Variants in PTPRM observed in about 807,000 individuals in gnomAD.
PTPRM encodes the protein protein tyrosine phosphatase receptor type M.
A neutral mutation model predicts 186.7 loss-of-function variants in PTPRM; 47 were observed. That is an observed-to-expected ratio of 0.25 (90% CI 0.20 to 0.32). PTPRM has a LOEUF of 0.32. PTPRM is among the 10% of genes least tolerant of loss of function. The pLI is 1.00. For synonymous variants in PTPRM, 668 were observed against 674.9 expected (o/e 0.99, Z 0.16); for missense variants, 1,494 against 1,865.0 (o/e 0.80, Z 3.66).
At chr18:7,851,653 A>ATC (rs1268026438) in intron 2 of PTPRM, among the ~76,000 whole-genome samples, 1 of 150,208 alleles carries the variant, frequency 6.7e-6, no homozygotes, top group South Asian at 2.1e-4. Flanking sequence ...AAAAAAAAAA[A>ATC]CTGAGGCAAT....
chr18:7,940,427 T>C (rs930770772), intron 5 of PTPRM, among the ~76,000 whole-genome samples: 1 of 152,160 alleles, frequency 6.6e-6, no homozygotes, highest in Non-Finnish European at 1.5e-5. Context: ...TAGGAGCATG[T>C]TTCAGTTTGG....
Position 8,009,681 on chromosome 18 carries a change from C to A in PTPRM, c.1132+54267C>A, listed in dbSNP as rs112718514. Among the ~76,000 whole-genome samples the A allele has an allele frequency of 9.0e-3, 1,363 of 152,124 alleles. 19 individuals are homozygous for A. The highest frequency in any genetic ancestry group is 0.031 in the African/African-American group (1,304 of 41,484). On this transcript the variant is annotated intron_variant, in intron 7 of 32. Transcript: ENST00000580170. ...CAAGATCGCACCACTGCACTCCAGC[C>A]TGGGGGACAGAGCAAGACTCTATCT...
At chr18:8,239,675 G>C (rs926635915) in intron 14 of PTPRM, among the ~76,000 whole-genome samples, 2 of 152,118 alleles carry the variant, frequency 1.3e-5, no homozygotes, top group African/African-American at 4.8e-5. Flanking sequence ...CTCCAATTTG[G>C]GGGGCAGTGG....
intron 1 of PTPRM, among the ~76,000 whole-genome samples, chr18:7,635,107 AAAAG>A (rs1257973050): frequency 1.3e-5 from 2 of 152,294 alleles, no homozygotes; most frequent in East Asian, 3.9e-4. Flanking sequence ...CTAAATATAA[AAAAG>A]AACTTAAAAT....
Position 8,069,845 on chromosome 18 carries a change from A to G in PTPRM, c.1292A>G (p.Glu431Gly). Reference sequence around the variant, plus strand: ...GTTGGAGGACAAGAACAAGTGCGAGAAGAAGTAAGCTGGGATACAGAAAAC... The same window carrying G: ...GTTGGAGGACAAGAACAAGTGCGAGGAGAAGTAAGCTGGGATACAGAAAAC... ...YQVGGQEQVR[E>G]EVSWDTENSH... Residue 431 changes from glutamate to glycine, a missense_variant, in exon 8 of 33, where the codon GAA becomes GGA. Physicochemically the swap from Glu to Gly is moderately conservative, Grantham distance 98 (BLOSUM62 -2). Coordinates refer to ENST00000580170, the MANE Select transcript of PTPRM (RefSeq NM_001105244.2). The G allele has an allele frequency of 6.2e-7, 1 of 1,614,066 alleles. No homozygotes were observed. The highest frequency in any genetic ancestry group is 8.5e-7 in the Non-Finnish European group (1 of 1,179,990).
intron 29 of PTPRM, among the ~76,000 whole-genome samples, chr18:8,382,031 A>G (rs1320854425): frequency 6.6e-6 from 1 of 152,176 alleles, no homozygotes; most frequent in African/African-American, 2.4e-5. Flanking sequence ...GAGAGACAAA[A>G]AGACTCCAGT....
At chr18:7,888,002 G>T in intron 2 of PTPRM, 104 bp from the exon 3 acceptor site, 5 of 1,333,480 alleles carry the variant, frequency 3.7e-6, no homozygotes, top group Non-Finnish European at 5.4e-6. Context: ...GCCTAAGTAA[G>T]ACATGGAATT....
At chr18:7,604,925 T>C (rs2037493716) in intron 1 of PTPRM, among the ~76,000 whole-genome samples, 1 of 152,208 alleles carries the variant, frequency 6.6e-6, no homozygotes, top group Non-Finnish European at 1.5e-5. Flanking sequence ...TAATTTTCAG[T>C]TTATTTGATA....
chr18:7,863,402 A>G (rs1404291111), intron 2 of PTPRM, among the ~76,000 whole-genome samples: 1 of 151,000 alleles, frequency 6.6e-6, no homozygotes, highest in Non-Finnish European at 1.5e-5. Flanking sequence ...CCCTGTGTCC[A>G]TGTGTTCTCA....
intron 1 of PTPRM, among the ~76,000 whole-genome samples, chr18:7,710,381 A>G (rs1175482982): frequency 1.3e-5 from 2 of 152,210 alleles, no homozygotes; most frequent in Non-Finnish European, 2.9e-5. Context: ...AAACTGGTAT[A>G]GAAGGGATGT....
intron 1 of PTPRM, among the ~76,000 whole-genome samples, chr18:7,675,837 C>A (rs112132144): frequency 0.021 from 3,149 of 151,826 alleles, 57 homozygotes; most frequent in Non-Finnish European, 0.029. Flanking sequence ...CGGGTTCAAG[C>A]AGTCCTCCTG....
intron 1 of PTPRM, among the ~76,000 whole-genome samples, chr18:7,619,588 G>A (rs987167686): frequency 6.6e-6 from 1 of 152,180 alleles, no homozygotes; most frequent in Non-Finnish European, 1.5e-5. Context: ...GAAATCACTT[G>A]TTGAAGACAC....
intron 1 of PTPRM, among the ~76,000 whole-genome samples, chr18:7,570,040 A>G (rs1318802596): frequency 3.3e-5 from 5 of 152,106 alleles, no homozygotes; most frequent in Middle Eastern, 3.2e-3. Context: ...GCAGGAGGAT[A>G]GCTTGAGCCC....
intron 3 of PTPRM, among the ~76,000 whole-genome samples, chr18:7,904,110 T>G (rs1235872882): frequency 1.3e-5 from 2 of 152,248 alleles, no homozygotes; most frequent in Non-Finnish European, 2.9e-5. Context: ...ATCTGCTTAC[T>G]AAATGTTAAC....
intron 14 of PTPRM, among the ~76,000 whole-genome samples, chr18:8,196,250 AAGCCTGCCTT>A (rs2093776587): frequency 1.3e-5 from 2 of 152,196 alleles, no homozygotes; most frequent in African/African-American, 4.8e-5. Context: ...GTTCCAAGGT[AAGCCTGCCTT>A]AGGCTGCCTT....
intron 23 of PTPRM, among the ~76,000 whole-genome samples, chr18:8,363,888 C>T (rs997319507): frequency 6.6e-6 from 1 of 152,164 alleles, no homozygotes; most frequent in Non-Finnish European, 1.5e-5. Context: ...TGAAAACCAG[C>T]GTTGTGGGTA....
intron 8 of PTPRM, 133 bp downstream of exon 8, chr18:8,070,127 C>T: frequency 1.3e-6 from 1 of 786,736 alleles, no homozygotes; most frequent in Admixed American, 2.9e-5. Context: ...TGTATCTGTA[C>T]TCTGTATTCT....
At chr18:8,396,553 G>A (rs1428332742) in intron 32 of PTPRM, among the ~76,000 whole-genome samples, 4 of 152,240 alleles carry the variant, frequency 2.6e-5, no homozygotes, top group South Asian at 2.1e-4. Flanking sequence ...GTGATTTTTC[G>A]TGAAATAAAT....
At chr18:7,795,254 C>CTCT (rs1332752660) in intron 2 of PTPRM, among the ~76,000 whole-genome samples, 3 of 152,128 alleles carry the variant, frequency 2.0e-5, no homozygotes, top group Non-Finnish European at 4.4e-5. Flanking sequence ...TGTCAGTAAG[C>CTCT]TCTTCTATCT....
Sources: allele counts gnomAD v4.1 joint callset (sites outside exome capture counted in the v4.1 genomes callset), GRCh38; gene constraint gnomAD v4.1.1; transcripts MANE v1.5; gene names NCBI Gene and HGNC (gene_info 2026-07-23, HGNC 2026-07-21).